DAAM2: variants seen among roughly 807,000 people sequenced by gnomAD.
DAAM2 encodes the protein dishevelled associated activator of morphogenesis 2, also known as disheveled-associated activator of morphogenesis 2.
A neutral mutation model predicts 120.7 loss-of-function variants in DAAM2; 39 were observed. The ratio of observed to expected loss-of-function variants is 0.32; its 90% CI spans 0.25 to 0.42. DAAM2 has a LOEUF of 0.42. Among genes scored for constraint, DAAM2 ranks in the 10% least tolerant of loss-of-function variants. The probability of loss-of-function intolerance (pLI) is 1.00; values close to 1 mark genes in which losing one functional copy is unlikely to be tolerated. For synonymous variants in DAAM2, 488 were observed against 524.9 expected, an observed-to-expected ratio of 0.93 and a Z score of 0.96; for missense variants, 1,283 against 1,401.7, an observed-to-expected ratio of 0.92 and a Z score of 1.35.
chr6:39,845,846 C>A (rs150016555), intron 1 of DAAM2, among the ~76,000 whole-genome samples: 2 of 152,046 alleles, frequency 1.3e-5, no homozygotes, highest in East Asian at 3.9e-4. Flanking sequence ...GGAGTGTGAC[C>A]TAGGCTGTGA....
chr6:39,864,115 T>C (rs937672863), intron 3 of DAAM2, among the ~76,000 whole-genome samples: 7 of 152,228 alleles, frequency 4.6e-5, no homozygotes, highest in African/African-American at 1.7e-4. Context: ...CAGGAAATTA[T>C]ATTTCATTAA....
At chr6:39,852,256 C>T (rs555862179) in intron 1 of DAAM2, among the ~76,000 whole-genome samples, 3 of 152,324 alleles carry the variant, frequency 2.0e-5, no homozygotes, top group African/African-American at 7.2e-5. Context: ...CTTCTCAATT[C>T]TCCTCCGAGG....
rs964073485 is a variant in DAAM2 at position 39,869,038 on chromosome 6, G to A, written c.873+105G>A. The A allele has an allele frequency of 4.4e-5, 38 of 871,168 alleles. No individual in the cohort carries two copies. The African/African-American group carries it at 6.3e-4, about 15-fold the overall frequency. The allele number at this position is 871,168 out of a possible 1,614,324, so 54.0% of individuals were successfully genotyped here. On this transcript the variant is annotated intron_variant, in intron 7 of 24. Transcript: ENST00000274867. ...AATAATTGTTTTTGCTATTAAACCT[G>A]GGAGGGCTCCTGGGGAGTTGCCTAC...
Position 39,897,802 on chromosome 6 carries a change from C to T in DAAM2, c.2618+520C>T, listed in dbSNP as rs189386392. Among the ~76,000 whole-genome samples, 4 of 152,294 alleles carry T rather than the reference C, an allele frequency of 2.6e-5. No individual in the cohort carries two copies. The East Asian group carries it at 7.7e-4, about 29-fold the overall frequency. ...TGAGGATAGGTAAAATCAAAATGCG[C>T]ATGCTTTCCAGAGGGGAAAGTCCCT... On this transcript the variant is annotated intron_variant, in intron 21 of 24. Transcript: ENST00000274867.
chr6:39,876,730 CGTGTGT>C (rs1258242169), intron 11 of DAAM2, among the ~76,000 whole-genome samples: 9 of 149,440 alleles, frequency 6.0e-5, no homozygotes, highest in Non-Finnish European at 1.3e-4. Flanking sequence ...TGTGTGTGTG[CGTGTGT>C]GTATGTGCAT....
At chr6:39,856,596 T>C (rs1764015774) in intron 2 of DAAM2, 126 bp downstream of exon 2, 8 of 710,456 alleles carry the variant, frequency 1.1e-5, no homozygotes, top group Admixed American at 4.2e-5. Context: ...TGGGAGGAGA[T>C]AGGCCCCCAG....
At position 39,800,740 on chromosome 6, in the gene DAAM2, G is replaced by A. The variant is rs1417424111; in HGVS notation, c.-57+8275G>A. Among the ~76,000 whole-genome samples the A allele has an allele frequency of 2.6e-5, 4 of 152,222 alleles. No homozygotes were observed. In the East Asian group the frequency reaches 7.7e-4, roughly 29 times the overall value. ...GGAGCTGTGACTACCTGGCCCCTCTGCCGCAATGTGGGACAATTCTAACGG... is the reference window on the plus strand; with the variant it reads ...GGAGCTGTGACTACCTGGCCCCTCTACCGCAATGTGGGACAATTCTAACGG... On this transcript the variant is annotated intron_variant, in intron 1 of 24. Coordinates refer to ENST00000274867, the MANE Select transcript of DAAM2 (RefSeq NM_001201427.2).
intron 1 of DAAM2, among the ~76,000 whole-genome samples, chr6:39,803,930 G>A (rs998193657): frequency 2.0e-5 from 3 of 152,226 alleles, no homozygotes; most frequent in Non-Finnish European, 4.4e-5. Context: ...ACTCTCAAGA[G>A]TGAAAGGGGC....
intron 1 of DAAM2, among the ~76,000 whole-genome samples, chr6:39,827,060 T>C (rs1484698158): frequency 6.6e-6 from 1 of 152,218 alleles, no homozygotes; most frequent in Non-Finnish European, 1.5e-5. Context: ...AATTTTTGTT[T>C]TTATATTGCA....
chr6:39,800,333 C>A (rs1761822841), intron 1 of DAAM2, among the ~76,000 whole-genome samples: 1 of 152,200 alleles, frequency 6.6e-6, no homozygotes, highest in African/African-American at 2.4e-5. Flanking sequence ...GGGTAGCTAT[C>A]AGGCATCAGG....
At chr6:39,895,218 CTTTATTTACTTA>C (rs112733321) in intron 19 of DAAM2, among the ~76,000 whole-genome samples, 13,590 of 90,380 alleles carry the variant, frequency 0.15, 1,241 homozygotes, top group East Asian at 0.38. Context: ...ATTTTTACAA[CTTTATTTACTTA>C]TTTATTTATT....
intron 22 of DAAM2, 139 bp downstream of exon 22, chr6:39,899,076 A>G: frequency 1.5e-6 from 1 of 669,988 alleles, no homozygotes; most frequent in South Asian, 1.9e-5. Flanking sequence ...CCAAAGGATA[A>G]CTGGATTACT....
At chr6:39,823,743 G>A (rs1184835351) in intron 1 of DAAM2, among the ~76,000 whole-genome samples, 1 of 152,208 alleles carries the variant, frequency 6.6e-6, no homozygotes, top group Non-Finnish European at 1.5e-5. Context: ...GGCATCCAGG[G>A]CTGTATCATG....
intron 15 of DAAM2, 89 bp from the exon 16 acceptor site, chr6:39,887,394 CCTG>C: frequency 1.2e-6 from 1 of 821,526 alleles, no homozygotes; most frequent in Non-Finnish European, 2.0e-6. Context: ...CAGGAGCATT[CCTG>C]GATTGGTAGG....
chr6:39,792,812 A>C (rs1761586353), intron 1 of DAAM2, among the ~76,000 whole-genome samples: 1 of 152,244 alleles, frequency 6.6e-6, no homozygotes, highest in Admixed American at 6.5e-5. Context: ...TCACAAGTGG[A>C]CAAACACAGA....
chr6:39,902,207 T>C lies in DAAM2; in HGVS notation c.*170T>C. On this transcript the variant is annotated 3_prime_UTR_variant, in exon 25 of 25. Transcript: ENST00000274867. ...GACCAGGTGTCTCCCCACGCTTACCTTAAGGGGCTCCTCTTATCTCCCCTT... is the reference window on the plus strand; with the variant it reads ...GACCAGGTGTCTCCCCACGCTTACCCTAAGGGGCTCCTCTTATCTCCCCTT... 2.0e-6 allele frequency: 1 copy of C among 499,644 alleles called. No individual in the cohort carries two copies. Among genetic ancestry groups the C allele is most frequent in the Non-Finnish European group, 3.5e-6 (1 of 286,836 alleles). The allele number at this position is 499,644 out of a possible 1,614,324, so 31.0% of individuals were successfully genotyped here. A position where few individuals can be genotyped will look rare whatever the true frequency, so the allele number is the denominator to read the frequency against.
At chr6:39,794,697 A>G (rs1378159763) in intron 1 of DAAM2, among the ~76,000 whole-genome samples, 1 of 152,182 alleles carries the variant, frequency 6.6e-6, no homozygotes, top group African/African-American at 2.4e-5. Flanking sequence ...AAAACAGATT[A>G]AACTCCCCAT....
Position 39,803,394 on chromosome 6 carries a change from G to T in DAAM2, c.-57+10929G>T, listed in dbSNP as rs114206132. 9.6e-3 allele frequency among the ~76,000 whole-genome samples: 1,467 copies of T among 152,312 alleles called. 21 individuals are homozygous for T. Among genetic ancestry groups the T allele is most frequent in the African/African-American group, 0.033 (1,391 of 41,556 alleles). ...GTTCACAGCTCCCAGGCTCTTTCTAGCTGAGAGTTCACATGTTCTAGAAAG... is the reference window on the plus strand; with the variant it reads ...GTTCACAGCTCCCAGGCTCTTTCTATCTGAGAGTTCACATGTTCTAGAAAG... On this transcript the variant is annotated intron_variant, in intron 1 of 24. Transcript: ENST00000274867.
intron 7 of DAAM2, among the ~76,000 whole-genome samples, chr6:39,869,449 T>C (rs1764564703): frequency 6.6e-6 from 1 of 152,058 alleles, no homozygotes; most frequent in Non-Finnish European, 1.5e-5. Context: ...TAGCCAAGTG[T>C]GGTGGTGGGC....
Sources: gnomAD v4.1 joint callset for allele counts (sites outside exome capture counted in the v4.1 genomes callset) on GRCh38, gnomAD v4.1.1 for gene constraint, MANE v1.5 for transcripts, NCBI Gene and HGNC (gene_info 2026-07-23, HGNC 2026-07-21) for gene names.